Variants in NRG1 observed in about 807,000 individuals in gnomAD.
The protein encoded by NRG1 is pro-neuregulin-1, membrane-bound isoform.
NRG1 carries 18 observed loss-of-function variants against 63.8 expected under a neutral mutation model. The ratio of observed to expected loss-of-function variants is 0.28; its 90% CI spans 0.19 to 0.42. The LOEUF (loss-of-function observed/expected upper bound fraction) is 0.42, where lower values mean the gene tolerates loss of function less well. Ranked by LOEUF, NRG1 falls within the 10% of genes least tolerant of loss-of-function variation. The pLI, the probability that NRG1 is intolerant of heterozygous loss-of-function variation, is 1.00. For missense variants in NRG1, 762 were observed against 814.7 expected (o/e 0.94, Z 0.79); for synonymous variants, 302 against 301.3 (o/e 1.00, Z -0.02).
intron 1 of NRG1, among the ~76,000 whole-genome samples, chr8:32,092,065 T>TA (rs527510964): frequency 3.3e-5 from 5 of 151,802 alleles, no homozygotes; most frequent in Non-Finnish European, 5.9e-5. Context: ...AGTAATTTTT[T>TA]AAAAAAAATA....
At chr8:32,436,765 G>T (rs1468545849) in intron 1 of NRG1, among the ~76,000 whole-genome samples, 1 of 152,094 alleles carries the variant, frequency 6.6e-6, no homozygotes, top group Non-Finnish European at 1.5e-5. Context: ...TTTGCTTGAA[G>T]CTTCTGGTTA....
intron 1 of NRG1, among the ~76,000 whole-genome samples, chr8:31,763,827 G>T (rs1251146976): frequency 6.6e-6 from 1 of 152,042 alleles, no homozygotes; most frequent in African/African-American, 2.4e-5. Context: ...GCGGGTGGCT[G>T]TAGTCCCAGC....
chr8:32,225,010 C>T (rs1421411752), intron 1 of NRG1, among the ~76,000 whole-genome samples: 2 of 152,176 alleles, frequency 1.3e-5, no homozygotes, highest in Non-Finnish European at 2.9e-5. Flanking sequence ...AATGTCATAA[C>T]AGTGTAAGGT....
intron 1 of NRG1, among the ~76,000 whole-genome samples, chr8:32,035,465 C>T (rs1397840738): frequency 6.6e-6 from 1 of 151,620 alleles, no homozygotes; most frequent in Non-Finnish European, 1.5e-5. Context: ...TCCACTTGAT[C>T]CAGAGCTGAG....
At chr8:31,858,492 T>G (rs1490625431) in intron 1 of NRG1, among the ~76,000 whole-genome samples, 1 of 152,140 alleles carries the variant, frequency 6.6e-6, no homozygotes, top group African/African-American at 2.4e-5. Context: ...ACAAACAATT[T>G]CTCAATCAGA....
At chr8:32,538,058 G>A (rs1001235038) in intron 1 of NRG1, among the ~76,000 whole-genome samples, 7 of 152,002 alleles carry the variant, frequency 4.6e-5, no homozygotes, top group African/African-American at 1.4e-4. Context: ...CATCATGTTG[G>A]TCAGGCTGGG....
chr8:32,085,938 A>G (rs1044843161), intron 1 of NRG1, among the ~76,000 whole-genome samples: 11 of 152,226 alleles, frequency 7.2e-5, no homozygotes, highest in African/African-American at 2.4e-4. Context: ...TGATGTGCCT[A>G]TGCTTTGCCT....
At chr8:31,695,952 C>T (rs906666393) in intron 1 of NRG1, among the ~76,000 whole-genome samples, 2 of 152,094 alleles carry the variant, frequency 1.3e-5, no homozygotes, top group Non-Finnish European at 2.9e-5. Context: ...GTTCTGCCCC[C>T]CTTAACTGTA....
intron 1 of NRG1, among the ~76,000 whole-genome samples, chr8:31,991,964 A>G (rs972201698): frequency 1.3e-5 from 2 of 152,036 alleles, no homozygotes; most frequent in African/African-American, 4.8e-5. Flanking sequence ...ATAAAATTTA[A>G]AGTTTATGAC....
intron 1 of NRG1, among the ~76,000 whole-genome samples, chr8:32,303,519 T>C (rs1339686135): frequency 1.3e-5 from 2 of 152,320 alleles, no homozygotes; most frequent in East Asian, 1.9e-4. Context: ...TTCTTGTGCA[T>C]ATCCCAAAAT....
intron 1 of NRG1, among the ~76,000 whole-genome samples, chr8:32,330,071 AAAAAAAAAAAG>A (rs2129477487): frequency 8.3e-6 from 1 of 120,564 alleles, no homozygotes; most frequent in African/African-American, 3.2e-5. Flanking sequence ...AAAAAAAAAA[AAAAAAAAAAAG>A]TGTGTAGGGA....
At chr8:31,958,564 G>A (rs1804867470) in intron 1 of NRG1, among the ~76,000 whole-genome samples, 1 of 152,214 alleles carries the variant, frequency 6.6e-6, no homozygotes, top group Non-Finnish European at 1.5e-5. Flanking sequence ...GGAGAATGTA[G>A]TGAATATGCT....
At chr8:31,744,285 A>G (rs1034793576) in intron 1 of NRG1, among the ~76,000 whole-genome samples, 1 of 152,016 alleles carries the variant, frequency 6.6e-6, no homozygotes, top group Admixed American at 6.6e-5. Context: ...TTGGGTAGGG[A>G]CCAGAAATGA....
chr8:32,175,619 G>T (rs989352810), intron 1 of NRG1, among the ~76,000 whole-genome samples: 2 of 152,156 alleles, frequency 1.3e-5, no homozygotes, highest in Admixed American at 1.3e-4. Context: ...AAGCTGATAG[G>T]CAACTTCAGC....
intron 1 of NRG1, among the ~76,000 whole-genome samples, chr8:32,173,908 A>G (rs1840378728): frequency 6.6e-6 from 1 of 152,206 alleles, no homozygotes; most frequent in Admixed American, 6.5e-5. Context: ...TTAACACTCC[A>G]CTGTCAACAT....
At chr8:32,723,407 C>T (rs1041234800) in intron 5 of NRG1, among the ~76,000 whole-genome samples, 1 of 151,884 alleles carries the variant, frequency 6.6e-6, no homozygotes, top group African/African-American at 2.4e-5. Context: ...GTGGGTCAGG[C>T]GTGGTGGCTC....
At chr8:32,758,815 A>G (rs1222764624) in intron 9 of NRG1, among the ~76,000 whole-genome samples, 1 of 152,118 alleles carries the variant, frequency 6.6e-6, no homozygotes, top group Non-Finnish European at 1.5e-5. Flanking sequence ...AGGAAATGGA[A>G]GGAGAAAGGT....
chr8:32,715,405 A>G (rs2128991625), intron 5 of NRG1, among the ~76,000 whole-genome samples: 1 of 152,268 alleles, frequency 6.6e-6, no homozygotes, highest in South Asian at 2.1e-4. Flanking sequence ...ATCAGTCTGT[A>G]GTATAATGCT....
chr8:32,111,945 G>A (rs1417735534), intron 1 of NRG1, among the ~76,000 whole-genome samples: 2 of 152,116 alleles, frequency 1.3e-5, no homozygotes, highest in Admixed American at 6.6e-5. Flanking sequence ...TACTTAGAAT[G>A]TTATTTTGTG....
Sources: allele counts gnomAD v4.1 joint callset (sites outside exome capture counted in the v4.1 genomes callset), GRCh38; gene constraint gnomAD v4.1.1; transcripts MANE v1.5; gene names NCBI Gene and HGNC (gene_info 2026-07-23, HGNC 2026-07-21).